Variants in PLAC8 observed in about 807,000 individuals in gnomAD.
PLAC8 encodes the protein placenta associated 8.
A neutral mutation model predicts 12.6 loss-of-function variants in PLAC8; 6 were observed. The ratio of observed to expected loss-of-function variants is 0.48; its 90% CI spans 0.26 to 0.94. The LOEUF (loss-of-function observed/expected upper bound fraction) is 0.94. PLAC8 is among the 40% of genes least tolerant of loss of function. PLAC8 has a pLI of 0.14. For missense variants in PLAC8, 122 were observed against 152.7 expected (o/e 0.80, Z 1.06); for synonymous variants, 54 against 52.6 (o/e 1.03, Z -0.11).
chr4:83,099,072 A>G (rs919713593), intron 3 of PLAC8, among the ~76,000 whole-genome samples: 1 of 152,126 alleles, frequency 6.6e-6, no homozygotes, highest in Non-Finnish European at 1.5e-5. Context: ...TATGTTAACA[A>G]TAATAATTAT....
rs555505578 is a variant in PLAC8, at chr4:83,107,743, A to T, written c.118+61T>A. ...ACAATAAGGGAGGAATGGGGGAAGGATTGAGTCATTGGTAATTCACCTCGG... is the reference window on the plus strand; with the variant it reads ...ACAATAAGGGAGGAATGGGGGAAGGTTTGAGTCATTGGTAATTCACCTCGG... On this transcript the variant is annotated intron_variant, in intron 2 of 4. Transcript: ENST00000311507. The T allele has an allele frequency of 1.1e-5, 9 of 848,916 alleles. No individual in the cohort carries two copies. The East Asian group carries it at 4.2e-4, about 40-fold the overall frequency. The allele number at this position is 848,916 out of a possible 1,614,324, so 52.6% of individuals were successfully genotyped here.
At chr4:83,106,590 C>T (rs1323728012) in intron 2 of PLAC8, among the ~76,000 whole-genome samples, 2 of 151,922 alleles carry the variant, frequency 1.3e-5, no homozygotes, top group Non-Finnish European at 2.9e-5. Flanking sequence ...TACATTCTAG[C>T]CTGGGTGACA....
At position 83,107,835 on chromosome 4, in the gene PLAC8, G is replaced by T; in HGVS notation, c.87C>A (p.Gly29=). 1 of 1,608,504 alleles carries T rather than the reference G, an allele frequency of 6.2e-7. No individual in the cohort carries two copies. Among genetic ancestry groups the T allele is most frequent in the Non-Finnish European group, 8.5e-7 (1 of 1,176,824 alleles). ...PAPQNSNWQT[G]MCDCFSDCGV... is the part of the protein sequence containing the mutation. Reference sequence around the variant, plus strand: ...CGCAGTCGCTGAAACAGTCACACATGCCTGTCTGCCAGTTGGAGTTCTGGG... The same window carrying T: ...CGCAGTCGCTGAAACAGTCACACATTCCTGTCTGCCAGTTGGAGTTCTGGG... Residue 29 remains glycine, a synonymous_variant, in exon 2 of 5, where the codon GGC becomes GGA. Coordinates refer to ENST00000311507, the MANE Select transcript of PLAC8 (RefSeq NM_016619.3).
chr4:83,100,705 A>T (rs1427874522), intron 3 of PLAC8, among the ~76,000 whole-genome samples: 1 of 152,170 alleles, frequency 6.6e-6, no homozygotes, highest in Non-Finnish European at 1.5e-5. Flanking sequence ...AAATTAGGTC[A>T]ACCAATAACC....
chr4:83,112,873 C>A (rs1218392053), intron 1 of PLAC8, among the ~76,000 whole-genome samples: 1 of 152,212 alleles, frequency 6.6e-6, no homozygotes, highest in African/African-American at 2.4e-5. Flanking sequence ...GGTAAAAGGT[C>A]AGCAATAAGT....
chr4:83,104,477 T>C (rs908666016), intron 3 of PLAC8, among the ~76,000 whole-genome samples: 3 of 152,216 alleles, frequency 2.0e-5, no homozygotes, highest in African/African-American at 4.8e-5. Flanking sequence ...ACAGTTAGAA[T>C]TGAGTATCGA....
In PLAC8 at chr4:83,090,922, A is replaced by C. The variant is rs541013324; in HGVS notation, c.*59T>G. ...GTTGCAAAAGATGGTGAAGAACTCA[A>C]GCTGAAGAGGTGTCTGCTGAATTTT... On this transcript the variant is annotated 3_prime_UTR_variant, in exon 5 of 5. Transcript: ENST00000311507. 1 of 152,244 alleles carries C rather than the reference A, an allele frequency of 6.6e-6. No individual in the cohort carries two copies. The highest frequency in any genetic ancestry group is 1.9e-4 in the East Asian group (1 of 5,202). The allele number at this position is 152,244 out of a possible 1,614,324, so 9.4% of individuals were successfully genotyped here.
At chr4:83,113,866 A>G (rs766861645) in intron 1 of PLAC8, among the ~76,000 whole-genome samples, 2 of 152,134 alleles carry the variant, frequency 1.3e-5, no homozygotes, top group Non-Finnish European at 2.9e-5. Context: ...TCTATTAGTT[A>G]AGAATCAATC....
At chr4:83,097,982 C>T (rs1731986910) in intron 3 of PLAC8, among the ~76,000 whole-genome samples, 1 of 151,726 alleles carries the variant, frequency 6.6e-6, no homozygotes, top group Admixed American at 6.6e-5. Flanking sequence ...TCATAGCCTC[C>T]CGAGTAGCCA....
chr4:83,092,137 C>A (rs1028048884), intron 4 of PLAC8, among the ~76,000 whole-genome samples: 1 of 152,094 alleles, frequency 6.6e-6, no homozygotes, highest in Non-Finnish European at 1.5e-5. Flanking sequence ...GGAGTCAGGA[C>A]CGCCAAGGTA....
intron 2 of PLAC8, among the ~76,000 whole-genome samples, chr4:83,107,265 GA>G: frequency 6.7e-6 from 1 of 149,604 alleles, no homozygotes; most frequent in Middle Eastern, 3.2e-3. Flanking sequence ...TTTCCCCAGT[GA>G]CAAGCTAATT....
intron 2 of PLAC8, among the ~76,000 whole-genome samples, 199 bp from the exon 3 acceptor site, chr4:83,105,219 G>A (rs1170384418): frequency 5.9e-5 from 9 of 152,214 alleles, no homozygotes; most frequent in Admixed American, 1.3e-4. Flanking sequence ...GAATGACCAC[G>A]CCTTTGCAAA....
At chr4:83,093,104 C>G (rs569250242) in intron 4 of PLAC8, 1 of 152,254 alleles carries the variant, frequency 6.6e-6, no homozygotes, top group East Asian at 1.9e-4. Context: ...GCCTCCATTT[C>G]TATTAATTAA....
In PLAC8 at chr4:83,114,621, G is replaced by T. The variant is rs181760504; in HGVS notation, c.-30+45C>A. ...CTTTTAAAGAAAGCTTTTTTTTTTTGAATGCTAAGTTTTTAAAACAAGTTC... is the reference window on the plus strand; with the variant it reads ...CTTTTAAAGAAAGCTTTTTTTTTTTTAATGCTAAGTTTTTAAAACAAGTTC... On this transcript the variant is annotated intron_variant, in intron 1 of 4. Coordinates refer to ENST00000311507, the MANE Select transcript of PLAC8 (RefSeq NM_016619.3). The T allele has an allele frequency of 6.0e-4, 88 of 146,868 alleles. No homozygotes were observed. The East Asian group carries it at 0.013, about 22-fold the overall frequency. 9.1% of individuals were successfully genotyped at this position (146,868 alleles called of 1,614,324 possible).
chr4:83,091,498 C>T (rs947941753), intron 4 of PLAC8, among the ~76,000 whole-genome samples: 8 of 152,166 alleles, frequency 5.3e-5, no homozygotes, highest in African/African-American at 1.9e-4. Context: ...CACATCAAAT[C>T]AGGGGTGCAA....
At chr4:83,108,201 G>T (rs1732309449) in intron 1 of PLAC8, among the ~76,000 whole-genome samples, 1 of 148,648 alleles carries the variant, frequency 6.7e-6, no homozygotes, top group African/African-American at 2.5e-5. Context: ...TTAGGGGCAG[G>T]ATGCTGAGGC....
chr4:83,111,678 T>C (rs1732426814), intron 1 of PLAC8, among the ~76,000 whole-genome samples: 1 of 152,242 alleles, frequency 6.6e-6, no homozygotes, highest in Non-Finnish European at 1.5e-5. Context: ...GCCTATATTC[T>C]GTTTTTTAAT....
chr4:83,110,133 C>T (rs2126144259), intron 1 of PLAC8, among the ~76,000 whole-genome samples: 1 of 152,296 alleles, frequency 6.6e-6, no homozygotes, highest in South Asian at 2.1e-4. Flanking sequence ...GCCGCTCTGT[C>T]GCTCCGGGCG....
In PLAC8 at chr4:83,094,708, CCTT is replaced by C. The variant is rs1296140012; in HGVS notation, c.324_326del (p.Arg110del). 1 of 1,604,084 alleles carries C rather than the reference CCTT, an allele frequency of 6.2e-7. No homozygotes were observed. The highest frequency in any genetic ancestry group is 8.5e-7 in the Non-Finnish European group (1 of 1,176,454). ...GTTTTTAGAAAGTACGCATGGCTCT[CCTT>C]CTGTTGATATCTCTCTTGATTTGGC... On this transcript the variant is annotated inframe_deletion, in exon 4 of 5. Coordinates refer to ENST00000311507, the MANE Select transcript of PLAC8 (RefSeq NM_016619.3).
Sources: gnomAD v4.1 joint callset for allele counts (sites outside exome capture counted in the v4.1 genomes callset) on GRCh38, gnomAD v4.1.1 for gene constraint, MANE v1.5 for transcripts, NCBI Gene and HGNC (gene_info 2026-07-23, HGNC 2026-07-21) for gene names.